VN1R1: variants seen among roughly 807,000 people sequenced by gnomAD.
The protein encoded by VN1R1 is vomeronasal type-1 receptor 1.
For missense variants in VN1R1, 391 were observed against 410.3 expected (o/e 0.95, Z 0.41); for synonymous variants, 168 against 149.8 (o/e 1.12, Z -0.89).
Position 57,455,341 on chromosome 19 carries a change from C to T in VN1R1, c.*84G>A. ...AGCATTACTGGCCATGTGTATGTTGCTATCACAAATAACTAGTAGTTAATA... is the reference window on the plus strand; with the variant it reads ...AGCATTACTGGCCATGTGTATGTTGTTATCACAAATAACTAGTAGTTAATA... On this transcript the variant is annotated 3_prime_UTR_variant, in exon 1 of 1. Coordinates refer to ENST00000321039, the MANE Select transcript of VN1R1 (RefSeq NM_020633.4). 7.9e-7 allele frequency: 1 copy of T among 1,269,248 alleles called. No individual in the cohort carries two copies. The highest frequency in any genetic ancestry group is 1.5e-5 in the South Asian group (1 of 68,694). The allele number at this position is 1,269,248 out of a possible 1,614,324, so 78.6% of individuals were successfully genotyped here. A position where few individuals can be genotyped will look rare whatever the true frequency, so the allele number is the denominator to read the frequency against.
chr19:57,456,800 T>G lies in VN1R1; in HGVS notation c.-314A>C. 4.3e-6 allele frequency: 1 copy of G among 230,864 alleles called. No individual in the cohort carries two copies. Among genetic ancestry groups the G allele is most frequent in the South Asian group, 1.7e-4 (1 of 6,038 alleles). 14.3% of individuals were successfully genotyped at this position (230,864 alleles called of 1,614,324 possible). On this transcript the variant is annotated 5_prime_UTR_variant, in exon 1 of 1. Transcript: ENST00000321039. ...CTTTTTCTGTATTATTTCTTATGAC[T>G]GCTTGTGAGTCTACACTTATTTCAA...
At position 57,456,245 on chromosome 19, in the gene VN1R1, C is replaced by A; in HGVS notation, c.242G>T (p.Arg81Ile). 6.2e-7 allele frequency: 1 copy of A among 1,614,154 alleles called. No homozygotes were observed. Among genetic ancestry groups the A allele is most frequent in the Non-Finnish European group, 8.5e-7 (1 of 1,180,026 alleles). The change falls in exon 1 of 1, where the codon AGA becomes ATA. Residue 81 changes from arginine (R) to isoleucine (I), a missense_variant. Transcript: ENST00000321039. ...NLILFTGHKL[R>I]PTDLILSQLA... ...TTGGCTGAGAATCAAGTCCGTGGGT[C>A]TCAGCTTGTGTCCAGTGAACAAAAT...
chr19:57,456,648 G>A lies in VN1R1; in HGVS notation c.-162C>T, dbSNP rs1465233454. On this transcript the variant is annotated 5_prime_UTR_variant, in exon 1 of 1. Coordinates refer to ENST00000321039, the MANE Select transcript of VN1R1 (RefSeq NM_020633.4). ...CTCAGGGCTTACACACATGCAACAA[G>A]TAAATACAAGCAAAACTAGGGAAAT... 2 of 517,178 alleles carry A rather than the reference G, an allele frequency of 3.9e-6. No individual in the cohort carries two copies. Among genetic ancestry groups the A allele is most frequent in the East Asian group, 3.0e-5 (1 of 33,020 alleles). 32.0% of individuals were successfully genotyped at this position (517,178 alleles called of 1,614,324 possible). A position where few individuals can be genotyped will look rare whatever the true frequency, so the allele number is the denominator to read the frequency against.
At position 57,456,069 on chromosome 19, in the gene VN1R1, A is replaced by T; in HGVS notation, c.418T>A (p.Cys140Ser). 6.2e-7 allele frequency: 1 copy of T among 1,614,188 alleles called. No individual in the cohort carries two copies. Among genetic ancestry groups the T allele is most frequent in the Non-Finnish European group, 8.5e-7 (1 of 1,180,020 alleles). The change falls in exon 1 of 1, where the codon TGC becomes AGC. Residue 140 changes from cysteine to serine, a missense_variant. Cys to Ser is a moderately radical substitution (Grantham distance 112, BLOSUM62 -1). Coordinates refer to ENST00000321039, the MANE Select transcript of VN1R1 (RefSeq NM_020633.4). The stretch of plus-strand genomic sequence containing the variant: ...ATGGCTTGGAATCCATTGAGAAGGC[A>T]GATGGTGCTGAGGGAAACTCTTGTG... ...VGTRVSLSTI[C>S]LLNGFQAIKL...
Position 57,456,313 on chromosome 19 carries a change from A to G in VN1R1, c.174T>C (p.Val58=). The change falls in exon 1 of 1, where the codon GTT becomes GTC. Residue 58 remains valine (V), a synonymous_variant. Transcript: ENST00000321039. ...SGISFLIQTG[V]GILGNSFLLC... ...GGAGAAAGGAATTTCCCAGGATCCC[A>G]ACTCCAGTCTGAATGAGGAAGCTAA... is the stretch of plus-strand genomic sequence containing the variant. The G allele has an allele frequency of 6.2e-7, 1 of 1,613,806 alleles. No homozygotes were observed. Among genetic ancestry groups the G allele is most frequent in the Non-Finnish European group, 8.5e-7 (1 of 1,179,712 alleles).
rs763341819 is a variant in VN1R1 at position 57,455,630 on chromosome 19, T to C, written c.857A>G (p.Tyr286Cys). 1.9e-5 allele frequency: 31 copies of C among 1,613,992 alleles called. No homozygotes were observed. In the East Asian group the frequency reaches 5.8e-4, roughly 30 times the overall value. Residue 286 changes from tyrosine (Y) to cysteine (C), a missense_variant, in exon 1 of 1, where the codon TAT becomes TGT. By Grantham distance (194) the Tyr-to-Cys change is radical (BLOSUM62 -2). Transcript: ENST00000321039. ...AATTGTCAGAAAACTATGGACTGAA[T>C]AGAAAACAAAAAAGGAGCTCACCAG... ...MVLVSSFFVF[Y>C]SVHSFLTIWT...
rs1318650945 is a variant in VN1R1 at position 57,455,968 on chromosome 19, G to A, written c.519C>T (p.Leu173=). The change falls in exon 1 of 1, where the codon CTC becomes CTT. Residue 173 remains leucine, a synonymous_variant. Coordinates refer to ENST00000321039, the MANE Select transcript of VN1R1 (RefSeq NM_020633.4). ...TCAAGACATGGGGGGCCCAGCAGAG[G>A]AGACAACAGAAGTCAATAAACCTTG... ...RSPRFIDFCC[L]LCWAPHVLMN... The A allele has an allele frequency of 1.2e-6, 2 of 1,614,062 alleles. No homozygotes were observed. Among genetic ancestry groups the A allele is most frequent in the East Asian group, 2.2e-5 (1 of 44,900 alleles).
At position 57,455,428 on chromosome 19, in the gene VN1R1, T is replaced by G. The variant is rs574483755; in HGVS notation, c.1059A>C (p.Pro353=). 5 of 1,607,994 alleles carry G rather than the reference T, an allele frequency of 3.1e-6. No individual in the cohort carries two copies. In the Admixed American group the frequency reaches 8.5e-5, roughly 27 times the overall value. Residue 353 remains proline, a synonymous_variant, in exon 1 of 1, where the codon CCA becomes CCC. Transcript: ENST00000321039. ...GAATTCCATGAAGAGAAAAGACTCA[T>G]GGCATGACAACCAGATTAGGAAAGA... ...KTLFPNLVVM[P]
At position 57,455,481 on chromosome 19, in the gene VN1R1, A is replaced by G. The variant is rs200038675; in HGVS notation, c.1006T>C (p.Cys336Arg). The change falls in exon 1 of 1, where the codon TGT (cysteine) becomes CGT (arginine). Residue 336 changes from cysteine to arginine, a missense_variant. Physicochemically the swap from Cys to Arg is radical, Grantham distance 180 (BLOSUM62 -3). Transcript: ENST00000321039. Reference sequence around the variant, plus strand: ...GTTTTCCTTGTCCTGCAGGCAAAACAGAACTGAGAGATATGAGTATCACTC... The same window carrying G: ...GTTTTCCTTGTCCTGCAGGCAAAACGGAACTGAGAGATATGAGTATCACTC... ...IMSDTHISQF[C>R]FACRTRKTLF... The G allele has an allele frequency of 5.0e-5, 81 of 1,613,952 alleles. No homozygotes were observed. The Admixed American group carries it at 1.4e-3, about 27-fold the overall frequency.
Position 57,456,026 on chromosome 19 carries a change from A to T in VN1R1, c.461T>A (p.Ile154Lys). 1 of 1,614,180 alleles carries T rather than the reference A, an allele frequency of 6.2e-7. No homozygotes were observed. The highest frequency in any genetic ancestry group is 8.5e-7 in the Non-Finnish European group (1 of 1,180,040). ...GFQAIKLNPSICRWMEIKIRS... is the reference protein window; with the variant it reads ...GFQAIKLNPSKCRWMEIKIRS... ...AATCTTGATCTCCATCCACCTGCATATACTGGGGTTGAGCTTAATGGCTTG... is the reference window on the plus strand; with the variant it reads ...AATCTTGATCTCCATCCACCTGCATTTACTGGGGTTGAGCTTAATGGCTTG... The change falls in exon 1 of 1, where the codon ATA becomes AAA. Residue 154 changes from isoleucine to lysine, a missense_variant. Coordinates refer to ENST00000321039, the MANE Select transcript of VN1R1 (RefSeq NM_020633.4).
Position 57,456,647 on chromosome 19 carries a change from A to G in VN1R1, c.-161T>C. On this transcript the variant is annotated 5_prime_UTR_variant, in exon 1 of 1. Coordinates refer to ENST00000321039, the MANE Select transcript of VN1R1 (RefSeq NM_020633.4). ...ACTCAGGGCTTACACACATGCAACA[A>G]GTAAATACAAGCAAAACTAGGGAAA... The G allele has an allele frequency of 1.9e-6, 1 of 525,240 alleles. No individual in the cohort carries two copies. Among genetic ancestry groups the G allele is most frequent in the Non-Finnish European group, 3.3e-6 (1 of 304,374 alleles). The allele number at this position is 525,240 out of a possible 1,614,324, so 32.5% of individuals were successfully genotyped here. A position where few individuals can be genotyped will look rare whatever the true frequency, so the allele number is the denominator to read the frequency against.
rs920978147 is a variant in VN1R1 at position 57,455,196 on chromosome 19, T to G, written c.*229A>C. 3 of 460,638 alleles carry G rather than the reference T, an allele frequency of 6.5e-6. No homozygotes were observed. The highest frequency in any genetic ancestry group is 1.1e-5 in the Non-Finnish European group (3 of 261,656). The allele number at this position is 460,638 out of a possible 1,614,324, so 28.5% of individuals were successfully genotyped here. ...CTAAATCTCTAAAGAATTCCCTTTT[T>G]AAACTTTTTGATTTCCTGAACTTGT... On this transcript the variant is annotated 3_prime_UTR_variant, in exon 1 of 1. Transcript: ENST00000321039.
chr19:57,456,047 G>A lies in VN1R1; in HGVS notation c.440C>T (p.Ala147Val). The A allele has an allele frequency of 6.2e-7, 1 of 1,614,134 alleles. No homozygotes were observed. The highest frequency in any genetic ancestry group is 1.1e-5 in the South Asian group (1 of 91,084). ...GCATATACTGGGGTTGAGCTTAATGGCTTGGAATCCATTGAGAAGGCAGAT... is the reference window on the plus strand; with the variant it reads ...GCATATACTGGGGTTGAGCTTAATGACTTGGAATCCATTGAGAAGGCAGAT... ...STICLLNGFQ[A>V]IKLNPSICRW... The change falls in exon 1 of 1, where the codon GCC becomes GTC. Residue 147 changes from alanine (A) to valine (V), a missense_variant. Ala to Val is a moderately conservative substitution (Grantham distance 64). Coordinates refer to ENST00000321039, the MANE Select transcript of VN1R1 (RefSeq NM_020633.4).
Position 57,456,472 on chromosome 19 carries a change from T to G in VN1R1, c.15A>C (p.Thr5=). The G allele has an allele frequency of 6.3e-7, 1 of 1,578,588 alleles. No individual in the cohort carries two copies. The highest frequency in any genetic ancestry group is 8.6e-7 in the Non-Finnish European group (1 of 1,160,852). ...TCATCAGTGGAGACAGAAGTTTTAA[T>G]GTGTCTCCAACCATATTTTCTCATC... MVGD[T]LKLLSPLMTR... is the part of the protein sequence containing the mutation. The change falls in exon 1 of 1, where the codon ACA becomes ACC. Residue 5 remains threonine, a synonymous_variant. Coordinates refer to ENST00000321039, the MANE Select transcript of VN1R1 (RefSeq NM_020633.4).
In VN1R1 at chr19:57,456,397, A is replaced by C. The variant is rs202011839; in HGVS notation, c.90T>G (p.Asn30Lys). ...CAAAATCTAGGGGATGTTGATTTTC[A>C]TTGAGGTCTGAAGAATCAGTAGAAT... ...LFYSTDSSDL[N>K]ENQHPLDFDE... Residue 30 changes from asparagine to lysine, a missense_variant, in exon 1 of 1, where the codon AAT (asparagine) becomes AAG (lysine). Asn to Lys is a moderately conservative substitution (Grantham distance 94). Coordinates refer to ENST00000321039, the MANE Select transcript of VN1R1 (RefSeq NM_020633.4). The C allele has an allele frequency of 7.7e-5, 125 of 1,613,570 alleles. No homozygotes were observed. The highest frequency in any genetic ancestry group is 9.7e-5 in the Non-Finnish European group (115 of 1,179,490).
Position 57,456,630 on chromosome 19 carries a change from C to T in VN1R1, c.-144G>A. On this transcript the variant is annotated 5_prime_UTR_variant, in exon 1 of 1. Coordinates refer to ENST00000321039, the MANE Select transcript of VN1R1 (RefSeq NM_020633.4). ...CAAATCAAACCTATAAAACTCAGGG[C>T]TTACACACATGCAACAAGTAAATAC... The T allele has an allele frequency of 1.7e-6, 1 of 603,390 alleles. No individual in the cohort carries two copies. Among genetic ancestry groups the T allele is most frequent in the Non-Finnish European group, 2.7e-6 (1 of 365,950 alleles). 37.4% of individuals were successfully genotyped at this position (603,390 alleles called of 1,614,324 possible). A position where few individuals can be genotyped will look rare whatever the true frequency, so the allele number is the denominator to read the frequency against.
At position 57,456,330 on chromosome 19, in the gene VN1R1, G is replaced by A; in HGVS notation, c.157C>T (p.Leu53Phe). ...FGKVKSGISF[L>F]IQTGVGILGN... ...AGGATCCCAACTCCAGTCTGAATGA[G>A]GAAGCTAATCCCTGATTTTACTTTT... Residue 53 changes from leucine (L) to phenylalanine (F), a missense_variant, in exon 1 of 1, where the codon CTC (leucine) becomes TTC (phenylalanine). Coordinates refer to ENST00000321039, the MANE Select transcript of VN1R1 (RefSeq NM_020633.4). 6.2e-7 allele frequency: 1 copy of A among 1,613,822 alleles called. No individual in the cohort carries two copies. The highest frequency in any genetic ancestry group is 8.5e-7 in the Non-Finnish European group (1 of 1,179,794).
rs750424620 is a variant in VN1R1 at position 57,455,914 on chromosome 19, A to G, written c.573T>C (p.Asn191=). 1.2e-6 allele frequency: 2 copies of G among 1,614,242 alleles called. No homozygotes were observed. The highest frequency in any genetic ancestry group is 1.7e-5 in the Admixed American group (1 of 60,026). ...LMNASVLLLV[N]GPLNSKNSSA... ...TACTGTTTTTGCTATTCAGTGGGCC[A>G]TTCACTAATAGAAGAACAGATGCAT... The change falls in exon 1 of 1, where the codon AAT becomes AAC. Residue 191 remains asparagine, a synonymous_variant. Transcript: ENST00000321039.
In VN1R1 at chr19:57,455,950, A is replaced by G. The variant is rs371802438; in HGVS notation, c.537T>C (p.His179=). 2.2e-5 allele frequency: 35 copies of G among 1,614,122 alleles called. 1 individual carries two copies. The Admixed American group carries it at 5.7e-4, about 26-fold the overall frequency. The change falls in exon 1 of 1, where the codon CAT becomes CAC. Residue 179 remains histidine, a synonymous_variant. Transcript: ENST00000321039. ...GAAGAACAGATGCATTCATCAAGAC[A>G]TGGGGGGCCCAGCAGAGGAGACAAC... ...DFCCLLCWAP[H]VLMNASVLLL...
Sources: allele counts gnomAD v4.1 joint callset, GRCh38; gene constraint gnomAD v4.1.1; transcripts MANE v1.5; gene names NCBI Gene and HGNC (gene_info 2026-07-23, HGNC 2026-07-21).